The following SASH1 variants were observed in gnomAD, a reference collection of about 807,000 sequenced individuals.
The protein encoded by SASH1 is SAM and SH3 domain-containing protein 1.
SASH1 carries 44 observed loss-of-function variants against 125.2 expected under a neutral mutation model. The ratio of observed to expected loss-of-function variants is 0.35; its 90% CI spans 0.28 to 0.45. The LOEUF (loss-of-function observed/expected upper bound fraction) is 0.45. Among genes scored for constraint, SASH1 ranks in the 20% least tolerant of loss-of-function variants. The probability of loss-of-function intolerance (pLI) is 1.00; values close to 1 mark genes in which losing one functional copy is unlikely to be tolerated. For synonymous variants in SASH1, 639 were observed against 649.1 expected, an observed-to-expected ratio of 0.98 and a Z score of 0.24; for missense variants, 1,426 against 1,614.5, an observed-to-expected ratio of 0.88 and a Z score of 2.00.
At chr6:148,541,645 C>T (rs1782224771) in intron 17 of SASH1, among the ~76,000 whole-genome samples, 1 of 152,094 alleles carries the variant, frequency 6.6e-6, no homozygotes, top group African/African-American at 2.4e-5. Context: ...GGGCTAAGGA[C>T]AGGAAAGTGG....
chr6:148,358,733 G>GTTTTTTTTTTTTTTT (rs10673654), intron 1 of SASH1, among the ~76,000 whole-genome samples: 1 of 120,920 alleles, frequency 8.3e-6, no homozygotes, highest in African/African-American at 3.1e-5. Flanking sequence ...CCATGTTTTT[G>GTTTTTTTTTTTTTTT]TTTTTTTTTT....
At chr6:148,370,236 T>C (rs1353845558) in intron 1 of SASH1, among the ~76,000 whole-genome samples, 2 of 152,108 alleles carry the variant, frequency 1.3e-5, no homozygotes, top group African/African-American at 2.4e-5. Context: ...AATTGTGATA[T>C]ATAGACAAAA....
intron 1 of SASH1, among the ~76,000 whole-genome samples, chr6:148,381,617 C>CTTTTTTTT (rs201145545): frequency 0.012 from 931 of 77,856 alleles, 176 homozygotes; most frequent in African/African-American, 0.013. Context: ...TTCTTGCTTT[C>CTTTTTTTT]TTTTTTTTTT....
intron 2 of SASH1, among the ~76,000 whole-genome samples, chr6:148,434,226 G>A (rs891440498): frequency 1.3e-5 from 2 of 151,744 alleles, no homozygotes; most frequent in Non-Finnish European, 2.9e-5. Context: ...ACAGGCGCCC[G>A]CCACCACGCC....
intron 4 of SASH1, among the ~76,000 whole-genome samples, chr6:148,453,657 T>C (rs948870246): frequency 1.3e-5 from 2 of 151,972 alleles, no homozygotes; most frequent in Non-Finnish European, 2.9e-5. Flanking sequence ...GCTCAGGAAG[T>C]TTAATTTGAT....
intron 1 of SASH1, among the ~76,000 whole-genome samples, chr6:148,298,879 G>GGGAGGGAGGGAGGGAAGGAA: frequency 6.9e-6 from 1 of 145,562 alleles, no homozygotes; most frequent in East Asian, 2.0e-4. Context: ...GAAGTAAGGA[G>GGGAGGGAGGGAGGGAAGGAA]GGAGGGAGGG....
chr6:148,360,637 C>CCT (rs1554242919), intron 1 of SASH1, among the ~76,000 whole-genome samples: 1 of 18,822 alleles, frequency 5.3e-5, no homozygotes, highest in Non-Finnish European at 1.0e-4. Context: ...GCGTGAGCCA[C>CCT]CCCCCCGCCA....
At chr6:148,440,299 A>G (rs1476216442) in intron 3 of SASH1, 59 bp from the exon 4 acceptor site, 9 of 1,609,530 alleles carry the variant, frequency 5.6e-6, no homozygotes, top group Non-Finnish European at 4.3e-6. Context: ...GACACTCTGT[A>G]CAAATCAGAT....
chr6:148,287,302 G>A (rs184149610), intron 1 of SASH1, among the ~76,000 whole-genome samples: 2 of 152,234 alleles, frequency 1.3e-5, no homozygotes, highest in East Asian at 1.9e-4. Flanking sequence ...TAGTCCCTAC[G>A]CCTTGGAAAA....
At chr6:148,520,368 A>G (rs1335019797) in intron 10 of SASH1, 3 of 166,166 alleles carry the variant, frequency 1.8e-5, no homozygotes, top group Non-Finnish European at 4.0e-5. Context: ...TCTCTTGAGA[A>G]TCCACCAGAA....
In SASH1 at chr6:148,530,802, G is replaced by A. The variant is rs150218981; in HGVS notation, c.1429-724G>A. Among the ~76,000 whole-genome samples the A allele has an allele frequency of 1.3e-3, 194 of 152,294 alleles. 1 individual carries two copies. The highest frequency in any genetic ancestry group is 3.9e-3 in the Admixed American group (59 of 15,298). On this transcript the variant is annotated intron_variant, in intron 12 of 19. Transcript: ENST00000367467. ...TACTCAAATGTGCAAATGAGGAGCC[G>A]CTGAGAGGATAATACTTAGCTACTC...
chr6:148,244,654 A>G, the SASH1 span, among the ~76,000 whole-genome samples: 2 of 152,046 alleles, frequency 1.3e-5, no homozygotes, highest in Non-Finnish European at 2.9e-5. Context: ...TTGGAGAAGA[A>G]GCTCCTGCTG....
the SASH1 span, among the ~76,000 whole-genome samples, chr6:148,257,744 C>G: frequency 6.6e-6 from 1 of 151,662 alleles, no homozygotes; most frequent in Non-Finnish European, 1.5e-5. Context: ...AATTCTCCTG[C>G]CTCAGCCTCC....
intron 10 of SASH1, chr6:148,524,267 T>C (rs1781004717): frequency 6.6e-6 from 1 of 151,308 alleles, no homozygotes; most frequent in Admixed American, 6.6e-5. Context: ...TTCTTCCATT[T>C]AATAGCTGTT....
chr6:148,423,835 G>A (rs982352642), intron 2 of SASH1, among the ~76,000 whole-genome samples: 6 of 152,142 alleles, frequency 3.9e-5, no homozygotes, highest in East Asian at 1.9e-4. Context: ...TTGGAAGGTC[G>A]TCTGTTTCAA....
At chr6:148,264,223 T>C in the SASH1 span, among the ~76,000 whole-genome samples, 1 of 150,030 alleles carries the variant, frequency 6.7e-6, no homozygotes, top group African/African-American at 2.5e-5. Context: ...ATTCCTGTCA[T>C]GGTTGGGCAG....
the SASH1 span, among the ~76,000 whole-genome samples, chr6:148,247,712 T>C: frequency 6.6e-6 from 1 of 152,364 alleles, no homozygotes; most frequent in South Asian, 2.1e-4. Flanking sequence ...AAAAATTAAT[T>C]ATGAAAGTAA....
At chr6:148,401,097 A>G (rs1784150368) in intron 2 of SASH1, among the ~76,000 whole-genome samples, 1 of 151,954 alleles carries the variant, frequency 6.6e-6, no homozygotes, top group South Asian at 2.1e-4. Flanking sequence ...ACACCCAGAA[A>G]ACAAAAACGA....
chr6:148,322,917 TTTTC>T (rs996421779), intron 1 of SASH1, among the ~76,000 whole-genome samples: 4 of 126,032 alleles, frequency 3.2e-5, no homozygotes, highest in Non-Finnish European at 5.3e-5. Flanking sequence ...TTTCTTTCTT[TTTTC>T]TTTCTCTCTT....
Sources: allele counts gnomAD v4.1 joint callset (sites outside exome capture counted in the v4.1 genomes callset), GRCh38; gene constraint gnomAD v4.1.1; transcripts MANE v1.5; gene names NCBI Gene and HGNC (gene_info 2026-07-23, HGNC 2026-07-21).